EDARADD: variants seen among roughly 807,000 people sequenced by gnomAD.
The protein encoded by EDARADD is EDAR associated via death domain.
In EDARADD, 20 loss-of-function variants were observed where a neutral mutation model predicts 25.6. The ratio of observed to expected loss-of-function variants is 0.78; its 90% CI spans 0.55 to 1.14. EDARADD has a LOEUF of 1.14. Ranked by LOEUF, EDARADD falls within the 50% of genes most tolerant of loss-of-function variation. The pLI is 0.00. For missense variants in EDARADD, 225 were observed against 270.1 expected (o/e 0.83, Z 1.17); for synonymous variants, 86 against 94.4 (o/e 0.91, Z 0.52).
Position 236,483,726 on chromosome 1 carries a change from G to A in EDARADD, c.*1077G>A. On this transcript the variant is annotated 3_prime_UTR_variant, in exon 6 of 6. Coordinates refer to ENST00000334232, the MANE Select transcript of EDARADD (RefSeq NM_145861.4). ...GGAAGCCATGCCCATTGGAGCGGAG[G>A]TTTACCACAGCCTGAAGAATGTCAT... 1 of 1,528,530 alleles carries A rather than the reference G, an allele frequency of 6.5e-7. No homozygotes were observed. Among genetic ancestry groups the A allele is most frequent in the East Asian group, 2.3e-5 (1 of 44,338 alleles). The allele number at this position is 1,528,530 out of a possible 1,614,324, so 94.7% of individuals were successfully genotyped here. A position where few individuals can be genotyped will look rare whatever the true frequency, so the allele number is the denominator to read the frequency against.
At chr1:236,370,117 G>A (rs1398253410) in intron 3 of EDARADD, among the ~76,000 whole-genome samples, 2 of 151,964 alleles carry the variant, frequency 1.3e-5, no homozygotes, top group African/African-American at 4.8e-5. Context: ...AGACAGAGCC[G>A]ATTCATCAAG....
intron 4 of EDARADD, among the ~76,000 whole-genome samples, chr1:236,453,184 G>T (rs1034045843): frequency 3.9e-5 from 6 of 152,070 alleles, no homozygotes; most frequent in African/African-American, 9.7e-5. Flanking sequence ...TCTGTTGAAA[G>T]CCTAGCAGTA....
intron 3 of EDARADD, among the ~76,000 whole-genome samples, chr1:236,373,823 T>A (rs957807989): frequency 6.6e-6 from 1 of 152,256 alleles, no homozygotes; most frequent in Non-Finnish European, 1.5e-5. Context: ...AAGTACTGCT[T>A]TTGCTGAATC....
At chr1:236,406,427 A>T (rs1311613349) in intron 1 of EDARADD, among the ~76,000 whole-genome samples, 1 of 152,162 alleles carries the variant, frequency 6.6e-6, no homozygotes, top group East Asian at 1.9e-4. Context: ...TGAGCGTCAT[A>T]GAGTTCACTT....
At chr1:236,441,063 A>G (rs903348489) in intron 4 of EDARADD, among the ~76,000 whole-genome samples, 3 of 152,212 alleles carry the variant, frequency 2.0e-5, no homozygotes, top group Non-Finnish European at 4.4e-5. Context: ...CAGCCAAGTT[A>G]TGAATGCAAA....
At chr1:236,478,805 C>T (rs1447939680) in intron 5 of EDARADD, among the ~76,000 whole-genome samples, 2 of 152,150 alleles carry the variant, frequency 1.3e-5, no homozygotes, top group Non-Finnish European at 2.9e-5. Context: ...CCGGGATGGT[C>T]TCCATCTGCT....
chr1:236,415,127 T>C (rs1443411893), intron 3 of EDARADD, among the ~76,000 whole-genome samples: 4 of 152,136 alleles, frequency 2.6e-5, no homozygotes, highest in Non-Finnish European at 4.4e-5. Flanking sequence ...TTAGAGATGA[T>C]TGTGATTGTG....
chr1:236,432,618 C>T (rs1362616739), intron 4 of EDARADD, among the ~76,000 whole-genome samples: 1 of 152,132 alleles, frequency 6.6e-6, no homozygotes, highest in Non-Finnish European at 1.5e-5. Context: ...AACTCGGTGG[C>T]TCATGCCTGT....
chr1:236,388,326 C>T (rs78809643), intron 3 of EDARADD, among the ~76,000 whole-genome samples: 2,262 of 152,246 alleles, frequency 0.015, 43 homozygotes, highest in African/African-American at 0.049. Context: ...TCATATCTTG[C>T]TATATTGTAA....
Position 236,483,463 on chromosome 1 carries a change from C to G in EDARADD, c.*814C>G, listed in dbSNP as rs1168404558. On this transcript the variant is annotated 3_prime_UTR_variant, in exon 6 of 6. Coordinates refer to ENST00000334232, the MANE Select transcript of EDARADD (RefSeq NM_145861.4). The stretch of plus-strand genomic sequence containing the variant: ...AAACTTATGATAGAGATGGATGGAA[C>G]AGAAAATAAATCTAAATTTGGTGCA... The G allele has an allele frequency of 5.8e-6, 6 of 1,035,260 alleles. No individual in the cohort carries two copies. The Admixed American group carries it at 1.0e-4, about 18-fold the overall frequency. 64.1% of individuals were successfully genotyped at this position (1,035,260 alleles called of 1,614,324 possible).
intron 2 of EDARADD, 100 bp downstream of exon 2, chr1:236,409,374 A>C: frequency 1.1e-6 from 1 of 913,072 alleles, no homozygotes. Flanking sequence ...CATGTGCATC[A>C]GAAACCCCAA....
chr1:236,410,063 T>G (rs912021078), intron 2 of EDARADD, among the ~76,000 whole-genome samples: 5 of 152,220 alleles, frequency 3.3e-5, no homozygotes, highest in African/African-American at 1.2e-4. Flanking sequence ...ATATTGGTTT[T>G]TTAAAATTCA....
chr1:236,380,399 T>C (rs914625442), intron 3 of EDARADD, among the ~76,000 whole-genome samples: 2 of 151,958 alleles, frequency 1.3e-5, no homozygotes, highest in Non-Finnish European at 2.9e-5. Flanking sequence ...GTCTGGAAAA[T>C]AAGAAGACTG....
At chr1:236,369,854 G>A (rs934213766) in intron 3 of EDARADD, among the ~76,000 whole-genome samples, 90 of 133,256 alleles carry the variant, frequency 6.8e-4, no homozygotes, top group African/African-American at 2.6e-3. Context: ...AACCAAAAAA[G>A]CAAAAAAAAA....
chr1:236,385,670 G>A (rs559238998), intron 3 of EDARADD, among the ~76,000 whole-genome samples: 168 of 152,074 alleles, frequency 1.1e-3, no homozygotes, highest in African/African-American at 3.9e-3. Flanking sequence ...GTTTCAGTGA[G>A]CTGAGATTGT....
chr1:236,432,498 A>C (rs1039871328), intron 4 of EDARADD, among the ~76,000 whole-genome samples: 3 of 152,208 alleles, frequency 2.0e-5, no homozygotes, highest in East Asian at 1.9e-4. Flanking sequence ...TTAGGATACT[A>C]AGTTGGAGTT....
intron 3 of EDARADD, among the ~76,000 whole-genome samples, chr1:236,422,375 A>G (rs1008491316): frequency 1.3e-5 from 2 of 152,128 alleles, no homozygotes; most frequent in African/African-American, 4.8e-5. Flanking sequence ...CTGTTTCTTT[A>G]TTTATAGTTT....
At chr1:236,392,858 C>T (rs4659667), upstream of EDARADD, among the ~76,000 whole-genome samples, 113,528 of 152,012 alleles carry the variant, frequency 0.75, 44,509 homozygotes, top group East Asian at 0.92. Flanking sequence ...TAAGCAGAGA[C>T]GGGGTTTCAC....
chr1:236,375,097 T>A (rs1432345409), intron 3 of EDARADD, among the ~76,000 whole-genome samples: 1 of 152,108 alleles, frequency 6.6e-6, no homozygotes, highest in Non-Finnish European at 1.5e-5. Flanking sequence ...TTTTCTTTAG[T>A]TGTTGTCCTA....
Sources: gnomAD v4.1 joint callset for allele counts (sites outside exome capture counted in the v4.1 genomes callset) on GRCh38, gnomAD v4.1.1 for gene constraint, MANE v1.5 for transcripts, NCBI Gene and HGNC (gene_info 2026-07-23, HGNC 2026-07-21) for gene names.